Variants in EYS observed in about 807,000 individuals in gnomAD.
EYS encodes protein eyes shut homolog.
In EYS, 250 loss-of-function variants were observed where a neutral mutation model predicts 282.1. The observed-to-expected ratio is 0.89, with a 90% CI of 0.80 to 0.98. EYS has a LOEUF of 0.98. Among genes scored for constraint, EYS ranks in the 50% least tolerant of loss-of-function variants. The pLI is 0.00. For missense variants in EYS, 4,016 were observed against 3,709.0 expected (o/e 1.08, Z -2.15); for synonymous variants, 1,355 against 1,282.9 (o/e 1.06, Z -1.20).
At chr6:65,236,500 A>T (rs917251887) in intron 12 of EYS, among the ~76,000 whole-genome samples, 3 of 151,988 alleles carry the variant, frequency 2.0e-5, no homozygotes, top group Non-Finnish European at 2.9e-5. Context: ...TTTCCTAGCC[A>T]CTAGGGAGGC....
chr6:65,344,215 T>C (rs1490813558), intron 9 of EYS, 38 bp from the exon 10 acceptor site: 2 of 1,504,556 alleles, frequency 1.3e-6, no homozygotes, highest in Non-Finnish European at 9.2e-7. Context: ...AATAAACTCT[T>C]ACAAACTTGA....
intron 26 of EYS, among the ~76,000 whole-genome samples, chr6:64,458,357 C>G (rs555396090): frequency 6.6e-6 from 1 of 151,962 alleles, no homozygotes; most frequent in East Asian, 1.9e-4. Flanking sequence ...TAAAACAAGT[C>G]TGGTGGTGAT....
intron 36 of EYS, among the ~76,000 whole-genome samples, chr6:63,826,847 A>AAAAAAAAAAAAAAAAAAAAC (rs1491007672): frequency 5.8e-4 from 1 of 1,730 alleles, no homozygotes; most frequent in Non-Finnish European, 1.1e-3. Flanking sequence ...TTAAAAAGCA[A>AAAAAAAAAAAAAAAAAAAAC]AAAAAAAAAA....
chr6:65,122,482 A>T (rs1182567003), intron 12 of EYS, among the ~76,000 whole-genome samples: 1 of 152,086 alleles, frequency 6.6e-6, no homozygotes, highest in Non-Finnish European at 1.5e-5. Context: ...GAAACGTAAC[A>T]TATTAATTTG....
intron 5 of EYS, among the ~76,000 whole-genome samples, chr6:65,444,855 G>GC: frequency 6.6e-6 from 1 of 152,018 alleles, no homozygotes; most frequent in Non-Finnish European, 1.5e-5. Context: ...GATGCTAGAA[G>GC]CAGGACCAAT....
rs145508668 is a variant in EYS at position 65,538,378 on chromosome 6, T to A, written c.-332-42385A>T. On this transcript the variant is annotated intron_variant, in intron 2 of 42. Coordinates refer to ENST00000503581, the MANE Select transcript of EYS (RefSeq NM_001142800.2). ...AACAAACTGTCTTGGCATTACATTA[T>A]CATACTTATGCACAGAAAAAGATGG... is the stretch of plus-strand genomic sequence containing the variant. Among the ~76,000 whole-genome samples, 476 of 152,282 alleles carry A rather than the reference T, an allele frequency of 3.1e-3. 5 individuals carry two copies. Among genetic ancestry groups the A allele is most frequent in the African/African-American group, 0.01 (429 of 41,580 alleles).
intron 19 of EYS, among the ~76,000 whole-genome samples, chr6:64,824,319 CAAT>C (rs1764985091): frequency 6.6e-6 from 1 of 151,860 alleles, no homozygotes; most frequent in Non-Finnish European, 1.5e-5. Context: ...ATATTTGTAA[CAAT>C]AAAATTGAGT....
At chr6:64,321,181 T>C (rs1413150405) in intron 29 of EYS, among the ~76,000 whole-genome samples, 1 of 151,694 alleles carries the variant, frequency 6.6e-6, no homozygotes, top group African/African-American at 2.4e-5. Context: ...TAAATCCCTC[T>C]TTTTGTTATT....
At chr6:65,196,893 G>T (rs1475182750) in intron 12 of EYS, among the ~76,000 whole-genome samples, 1 of 152,080 alleles carries the variant, frequency 6.6e-6, no homozygotes, top group Non-Finnish European at 1.5e-5. Flanking sequence ...GATAGCAGAG[G>T]CCAGCAGCCT....
At chr6:64,455,830 T>C (rs989065744) in intron 26 of EYS, among the ~76,000 whole-genome samples, 1 of 152,122 alleles carries the variant, frequency 6.6e-6, no homozygotes, top group Non-Finnish European at 1.5e-5. Flanking sequence ...TAAAAAACTT[T>C]CCTTCTATTC....
chr6:64,864,924 T>TCCTGTA (rs1394472459), intron 19 of EYS, among the ~76,000 whole-genome samples: 1 of 151,828 alleles, frequency 6.6e-6, no homozygotes, highest in African/African-American at 2.4e-5. Context: ...TAATCCCAGC[T>TCCTGTA]ATTCAGGAGG....
At chr6:64,975,280 A>C (rs1185809762) in intron 14 of EYS, among the ~76,000 whole-genome samples, 1 of 151,808 alleles carries the variant, frequency 6.6e-6, no homozygotes, top group East Asian at 1.9e-4. Flanking sequence ...TATGTGCAAA[A>C]AGACAGCTTT....
At chr6:65,141,649 G>GTCTGTCTGTCTATCTATCTA (rs1216509536) in intron 12 of EYS, among the ~76,000 whole-genome samples, 37 of 131,324 alleles carry the variant, frequency 2.8e-4, no homozygotes, top group African/African-American at 7.4e-4. Flanking sequence ...CTGTCTGTCT[G>GTCTGTCTGTCTATCTATCTA]TCTATCTATC....
At chr6:65,652,300 A>C in intron 1 of EYS, among the ~76,000 whole-genome samples, 1 of 152,034 alleles carries the variant, frequency 6.6e-6, no homozygotes, top group South Asian at 2.1e-4. Flanking sequence ...TAGATGCAGA[A>C]GTAATTTTGT....
chr6:64,832,463 G>C (rs181034885), intron 19 of EYS, among the ~76,000 whole-genome samples: 10 of 151,850 alleles, frequency 6.6e-5, no homozygotes, highest in African/African-American at 9.6e-5. Flanking sequence ...ATGCGTAGTT[G>C]TTCAATGGCA....
chr6:64,775,278 T>A (rs1444281689), intron 22 of EYS, among the ~76,000 whole-genome samples: 1 of 151,980 alleles, frequency 6.6e-6, no homozygotes, highest in Non-Finnish European at 1.5e-5. Context: ...CAAGGCCACA[T>A]CCAGCCATTA....
intron 2 of EYS, among the ~76,000 whole-genome samples, chr6:65,523,231 T>C (rs1767437320): frequency 6.6e-6 from 1 of 152,096 alleles, no homozygotes; most frequent in Admixed American, 6.6e-5. Context: ...AACATATACA[T>C]ACCTCAAAAC....
chr6:65,183,700 AG>A (rs1765447987), intron 12 of EYS, among the ~76,000 whole-genome samples: 1 of 151,814 alleles, frequency 6.6e-6, no homozygotes, highest in African/African-American at 2.4e-5. Context: ...CTACCCAGTT[AG>A]TATTTTATAT....
intron 22 of EYS, among the ~76,000 whole-genome samples, chr6:64,665,082 C>A (rs977511239): frequency 1.1e-4 from 16 of 152,124 alleles, no homozygotes; most frequent in Admixed American, 8.5e-4. Flanking sequence ...AAACATGATA[C>A]AACTGTGATA....
Sources: gnomAD v4.1 joint callset for allele counts (sites outside exome capture counted in the v4.1 genomes callset) on GRCh38, gnomAD v4.1.1 for gene constraint, MANE v1.5 for transcripts, NCBI Gene and HGNC (gene_info 2026-07-23, HGNC 2026-07-21) for gene names.